Variants in SATB2 observed in about 807,000 individuals in gnomAD.
SATB2 encodes SATB homeobox 2.
SATB2 carries 1 observed loss-of-function variant against 73.4 expected under a neutral mutation model. That is an observed-to-expected ratio of 0.01 (90% CI 0.00 to 0.06). The LOEUF is 0.06. Among genes scored for constraint, SATB2 ranks in the 10% least tolerant of loss-of-function variants. SATB2 has a pLI of 1.00. For synonymous variants in SATB2, 397 were observed against 367.0 expected (o/e 1.08, Z -0.93); for missense variants, 459 against 945.8 (o/e 0.49, Z 6.75).
intron 6 of SATB2, among the ~76,000 whole-genome samples, chr2:199,356,093 T>C (rs1354910978): frequency 6.6e-6 from 1 of 152,044 alleles, no homozygotes; most frequent in Non-Finnish European, 1.5e-5. Context: ...TGGATTTTTC[T>C]TTAAGCCATT....
chr2:199,372,942 T>C (rs530844778), intron 5 of SATB2, among the ~76,000 whole-genome samples: 1 of 152,254 alleles, frequency 6.6e-6, no homozygotes, highest in Non-Finnish European at 1.5e-5. Flanking sequence ...AAAACAGAGA[T>C]CTGAGCATCC....
At chr2:199,277,430 T>A (rs1050777985) in intron 10 of SATB2, among the ~76,000 whole-genome samples, 1 of 152,216 alleles carries the variant, frequency 6.6e-6, no homozygotes, top group Non-Finnish European at 1.5e-5. Flanking sequence ...TTTTCCCAAA[T>A]AATGGAATAT....
intron 5 of SATB2, among the ~76,000 whole-genome samples, chr2:199,374,880 C>T (rs1373269464): frequency 6.6e-6 from 1 of 151,730 alleles, no homozygotes. Flanking sequence ...GGGAGAATTG[C>T]TTCTGCCCGG....
chr2:199,460,257 G>T (rs536488698), upstream of SATB2, among the ~76,000 whole-genome samples: 1 of 152,166 alleles, frequency 6.6e-6, no homozygotes, highest in African/African-American at 2.4e-5. This position sits in a 1 kb window ranked among gnomAD's most constrained non-coding sequence, Gnocchi z 4.0. Flanking sequence ...GTAGCTAAAA[G>T]GTTTGGGGCT....
At chr2:199,385,794 G>C (rs1228217212) in intron 3 of SATB2, among the ~76,000 whole-genome samples, 1 of 152,140 alleles carries the variant, frequency 6.6e-6, no homozygotes, top group Non-Finnish European at 1.5e-5. Flanking sequence ...ACACTGTATA[G>C]GTCAAAGGTT....
intron 7 of SATB2, among the ~76,000 whole-genome samples, chr2:199,335,781 T>C (rs2105805733): frequency 6.6e-6 from 1 of 152,320 alleles, no homozygotes; most frequent in South Asian, 2.1e-4. Flanking sequence ...AAATTTTGGG[T>C]CATGCAAACT....
intron 10 of SATB2, among the ~76,000 whole-genome samples, chr2:199,281,198 C>T (rs2105723011): frequency 1.3e-5 from 2 of 151,326 alleles, no homozygotes; most frequent in South Asian, 4.2e-4. Context: ...CACACCACTG[C>T]ACTCCAGCCT....
chr2:199,402,141 C>A (rs1195269358), intron 3 of SATB2, among the ~76,000 whole-genome samples: 2 of 152,116 alleles, frequency 1.3e-5, no homozygotes, highest in Non-Finnish European at 2.9e-5. Flanking sequence ...AATCCCAGCA[C>A]TTTGGGAGGC....
chr2:199,401,703 T>C (rs529936293), intron 3 of SATB2, among the ~76,000 whole-genome samples: 3 of 151,630 alleles, frequency 2.0e-5, no homozygotes, highest in South Asian at 4.2e-4. Context: ...GGGAAAAAAA[T>C]GTGTGATGGT....
At position 199,452,681 on chromosome 2, in the gene SATB2, G is replaced by T. The variant is rs568256200; in HGVS notation, c.169+3188C>A. On this transcript the variant is annotated intron_variant, in intron 2 of 10. Coordinates refer to ENST00000417098, the MANE Select transcript of SATB2 (RefSeq NM_001172509.2). ...AATTCTAGTAAGTGAATGTTACCCA[G>T]CAGGGATATAAAGCTGTCAACACCA... Among the ~76,000 whole-genome samples, 12 of 152,224 alleles carry T rather than the reference G, an allele frequency of 7.9e-5. No individual in the cohort carries two copies. The South Asian group carries it at 2.5e-3, about 32-fold the overall frequency.
At chr2:199,381,562 C>T in intron 4 of SATB2, 132 bp downstream of exon 4, 1 of 1,292,706 alleles carries the variant, frequency 7.7e-7, no homozygotes, top group South Asian at 1.2e-5. Flanking sequence ...CCTTCTTTCC[C>T]TCTCTCTCCT....
intron 10 of SATB2, among the ~76,000 whole-genome samples, chr2:199,281,270 G>T (rs962833232): frequency 2.0e-5 from 3 of 151,670 alleles, no homozygotes; most frequent in Non-Finnish European, 4.4e-5. Context: ...ATGTATGTGT[G>T]TGTGTGTGTG....
chr2:199,458,841 G>A, upstream of SATB2: 1 of 311,830 alleles, frequency 3.2e-6, no homozygotes, highest in Non-Finnish European at 6.2e-6. Context: ...GCGCCGAGCC[G>A]AACGTCCCGG....
At chr2:199,351,755 T>C (rs997758047) in intron 6 of SATB2, among the ~76,000 whole-genome samples, 7 of 152,246 alleles carry the variant, frequency 4.6e-5, no homozygotes, top group African/African-American at 7.2e-5. Context: ...AGTTAAATAT[T>C]TGATTCACTT....
chr2:199,367,919 A>G (rs753862158), intron 6 of SATB2, among the ~76,000 whole-genome samples: 27 of 152,116 alleles, frequency 1.8e-4, no homozygotes, highest in Non-Finnish European at 2.4e-4. Flanking sequence ...AGGCCCAAAC[A>G]TAATTCTACA....
intron 9 of SATB2, among the ~76,000 whole-genome samples, chr2:199,310,894 C>T (rs2105772167): frequency 6.6e-6 from 1 of 152,316 alleles, no homozygotes; most frequent in East Asian, 1.9e-4. Context: ...GGTATCTCCA[C>T]TTATGACACT....
intron 7 of SATB2, among the ~76,000 whole-genome samples, chr2:199,341,013 A>G (rs902447603): frequency 2.6e-5 from 4 of 152,234 alleles, no homozygotes; most frequent in African/African-American, 9.6e-5. Flanking sequence ...TTATGAAATC[A>G]TGCTTATTAT....
At chr2:199,381,105 G>T (rs773216817) in intron 4 of SATB2, among the ~76,000 whole-genome samples, 5 of 152,160 alleles carry the variant, frequency 3.3e-5, no homozygotes, top group African/African-American at 4.8e-5. Flanking sequence ...AGAACCTCCA[G>T]TTCTTTAGAG....
intron 3 of SATB2, among the ~76,000 whole-genome samples, chr2:199,398,595 C>CG (rs1356314637): frequency 2.6e-5 from 4 of 152,120 alleles, no homozygotes; most frequent in Non-Finnish European, 5.9e-5. Context: ...CAGTGCCTCT[C>CG]GATCTCCTTA....
Sources: gnomAD v4.1 joint callset for allele counts (sites outside exome capture counted in the v4.1 genomes callset) on GRCh38, gnomAD v4.1.1 for gene constraint, Gnocchi (gnomAD v3.1) non-coding constraint, MANE v1.5 for transcripts, NCBI Gene and HGNC (gene_info 2026-07-23, HGNC 2026-07-21) for gene names.